Variants in IMMT observed in about 807,000 individuals in gnomAD.
IMMT encodes MICOS complex subunit MIC60.
A neutral mutation model predicts 92.7 loss-of-function variants in IMMT; 40 were observed. The ratio of observed to expected loss-of-function variants is 0.43; its 90% CI spans 0.34 to 0.56. The LOEUF (loss-of-function observed/expected upper bound fraction) is 0.56, where lower values mean the gene tolerates loss of function less well. Among genes scored for constraint, IMMT ranks in the 20% least tolerant of loss-of-function variants. The probability of loss-of-function intolerance (pLI) is 0.03; values close to 1 mark genes in which losing one functional copy is unlikely to be tolerated. For synonymous variants in IMMT, 322 were observed against 336.1 expected (o/e 0.96, Z 0.46); for missense variants, 831 against 912.1 (o/e 0.91, Z 1.14).
chr2:86,178,320 A>AAAC (rs1302967869), intron 3 of IMMT, among the ~76,000 whole-genome samples: 1 of 146,716 alleles, frequency 6.8e-6, no homozygotes, highest in Non-Finnish European at 1.5e-5. Flanking sequence ...TCCATCTCAA[A>AAAC]AAAAAAAAAA....
Position 86,178,231 on chromosome 2 carries a change from T to C in IMMT, c.309+1202A>G, listed in dbSNP as rs1258381988. 2.0e-5 allele frequency among the ~76,000 whole-genome samples: 3 copies of C among 146,708 alleles called. 1 individual carries two copies. In the Admixed American group the frequency reaches 2.1e-4, roughly 10 times the overall value. ...TACTCAGGAGGCTGAGGCAGGAGAATGGCGTGAACCCGGGAGGCGGAACTT... is the reference window on the plus strand; with the variant it reads ...TACTCAGGAGGCTGAGGCAGGAGAACGGCGTGAACCCGGGAGGCGGAACTT... On this transcript the variant is annotated intron_variant, in intron 3 of 14. Coordinates refer to ENST00000410111, the MANE Select transcript of IMMT (RefSeq NM_006839.3).
Position 86,161,957 on chromosome 2 carries a change from A to G in IMMT, c.896+19T>C, listed in dbSNP as rs757285037. ...CACCAGGAGGCCCTAATTACTTGTT[A>G]AAGTCCATGAGTAATTACTTGGCTT... On this transcript the variant is annotated intron_variant, in intron 8 of 14. Coordinates refer to ENST00000410111, the MANE Select transcript of IMMT (RefSeq NM_006839.3). The G allele has an allele frequency of 5.2e-6, 8 of 1,531,400 alleles. No individual in the cohort carries two copies. In the African/African-American group the frequency reaches 9.6e-5, roughly 18 times the overall value. The allele number at this position is 1,531,400 out of a possible 1,614,324, so 94.9% of individuals were successfully genotyped here.
rs745893774 is a variant in IMMT at position 86,143,965 on chromosome 2, T to A, written c.*303A>T. The stretch of plus-strand genomic sequence containing the variant: ...CATCTTGTTGCTTTATTCAGTTTGC[T>A]CCGAGGGCAAAATCAACAGTAGTAG... On this transcript the variant is annotated 3_prime_UTR_variant, in exon 15 of 15. Coordinates refer to ENST00000410111, the MANE Select transcript of IMMT (RefSeq NM_006839.3). 59 of 436,954 alleles carry A rather than the reference T, an allele frequency of 1.4e-4. No homozygotes were observed. Among genetic ancestry groups the A allele is most frequent in the Non-Finnish European group, 2.3e-4 (56 of 239,478 alleles). The allele number at this position is 436,954 out of a possible 1,614,324, so 27.1% of individuals were successfully genotyped here. A position where few individuals can be genotyped will look rare whatever the true frequency, so the allele number is the denominator to read the frequency against.
Position 86,166,620 on chromosome 2 carries a change from G to T in IMMT, c.680C>A (p.Ala227Asp), listed in dbSNP as rs375746081. ...IESLAKSLED[A>D]LRQTASVTLQ... ...AGTGACACTTGCAGTTTGCCTCAGA[G>T]CATCTTCTAAGCTCTTGGCTAGAGC... Residue 227 changes from alanine (A) to aspartate (D), a missense_variant, in exon 7 of 15, where the codon GCT becomes GAT. Coordinates refer to ENST00000410111, the MANE Select transcript of IMMT (RefSeq NM_006839.3). 2 of 1,612,342 alleles carry T rather than the reference G, an allele frequency of 1.2e-6. No individual in the cohort carries two copies. The highest frequency in any genetic ancestry group is 1.7e-5 in the Admixed American group (1 of 59,832).
chr2:86,146,935 A>G (rs565796984), intron 13 of IMMT, among the ~76,000 whole-genome samples: 1 of 151,904 alleles, frequency 6.6e-6, no homozygotes, highest in East Asian at 2.0e-4. Flanking sequence ...TAATTTTTGT[A>G]TTTTTAATAG....
At chr2:86,170,982 A>T in intron 5 of IMMT, 138 bp from the exon 6 acceptor site, 1 of 712,188 alleles carries the variant, frequency 1.4e-6, no homozygotes, top group Non-Finnish European at 2.3e-6. Context: ...TTCTAAAACC[A>T]TATCATTACT....
chr2:86,149,835 G>A (rs1675328294), intron 12 of IMMT, among the ~76,000 whole-genome samples: 2 of 146,522 alleles, frequency 1.4e-5, no homozygotes, highest in South Asian at 4.2e-4. Context: ...AGCCAAGATT[G>A]CACTACTGCA....
Position 86,145,494 on chromosome 2 carries a change from C to CAA in IMMT, c.1663+572_1663+573dup, listed in dbSNP as rs10554362. Among the ~76,000 whole-genome samples, 203 of 75,984 alleles carry CAA rather than the reference C, an allele frequency of 2.7e-3. 2 individuals are homozygous for CAA. Among genetic ancestry groups the CAA allele is most frequent in the Middle Eastern group, 7.4e-3 (1 of 136 alleles). 49.8% of individuals were successfully genotyped at this position (75,984 alleles called of 152,430 possible). A position where few individuals can be genotyped will look rare whatever the true frequency, so the allele number is the denominator to read the frequency against. ...TGGGCGACAGAGCAAGACTCTGTCTCAAAAAAAAAAAAAAAAAAAAAAAAG... is the reference window on the plus strand; with the variant it reads ...TGGGCGACAGAGCAAGACTCTGTCTCAAAAAAAAAAAAAAAAAAAAAAAAAAG... On this transcript the variant is annotated intron_variant, in intron 14 of 14. Coordinates refer to ENST00000410111, the MANE Select transcript of IMMT (RefSeq NM_006839.3).
chr2:86,174,496 T>C (rs1163096553), intron 3 of IMMT, among the ~76,000 whole-genome samples: 1 of 152,190 alleles, frequency 6.6e-6, no homozygotes, highest in East Asian at 1.9e-4. Flanking sequence ...AAAATATTAT[T>C]TTTGAATGAT....
intron 9 of IMMT, 165 bp downstream of exon 9, chr2:86,159,371 C>T: frequency 1.4e-6 from 1 of 703,190 alleles, no homozygotes; most frequent in Non-Finnish European, 2.5e-6. Flanking sequence ...AGGTGTGAAC[C>T]ACCACACCCA....
At position 86,167,469 on chromosome 2, in the gene IMMT, GGTTTTTT is replaced by G. The variant is rs1218000880; in HGVS notation, c.656-832_656-826del. On this transcript the variant is annotated intron_variant, in intron 6 of 14. Transcript: ENST00000410111. ...ATTACAGGCGTGAGCCACCGTGCCC[GGTTTTTT>G]GTTTTTTGTTTTTTTTTTTTTTTTT... 3.1e-3 allele frequency among the ~76,000 whole-genome samples: 297 copies of G among 96,280 alleles called. 1 individual carries two copies. The highest frequency in any genetic ancestry group is 8.3e-3 in the African/African-American group (222 of 26,702). 63.2% of individuals were successfully genotyped at this position (96,280 alleles called of 152,430 possible).
chr2:86,152,691 G>T (rs1370914136), intron 11 of IMMT, among the ~76,000 whole-genome samples: 1 of 151,962 alleles, frequency 6.6e-6, no homozygotes, highest in Non-Finnish European at 1.5e-5. Flanking sequence ...AACCCAGGAG[G>T]CGAAGATTGC....
intron 3 of IMMT, 133 bp downstream of exon 3, chr2:86,179,300 G>A: frequency 1.5e-6 from 1 of 671,858 alleles, no homozygotes; most frequent in Non-Finnish European, 2.4e-6. Flanking sequence ...GCATCCATGG[G>A]ATTTTTGTAT....
chr2:86,184,498 AATAATT>A (rs1020405349), intron 1 of IMMT, among the ~76,000 whole-genome samples: 4 of 152,070 alleles, frequency 2.6e-5, no homozygotes, highest in Admixed American at 2.6e-4. Flanking sequence ...TTGTTAATAT[AATAATT>A]ATAATTACAC....
intron 3 of IMMT, among the ~76,000 whole-genome samples, chr2:86,175,832 A>T (rs1677395287): frequency 6.6e-6 from 1 of 152,218 alleles, no homozygotes; most frequent in African/African-American, 2.4e-5. Flanking sequence ...AACATTAATA[A>T]GCGAAGGAAA....
Position 86,143,991 on chromosome 2 carries a change from A to G in IMMT, c.*277T>C. The G allele has an allele frequency of 2.0e-6, 1 of 510,888 alleles. No individual in the cohort carries two copies. The highest frequency in any genetic ancestry group is 3.6e-5 in the East Asian group (1 of 27,542). 31.6% of individuals were successfully genotyped at this position (510,888 alleles called of 1,614,324 possible). A position where few individuals can be genotyped will look rare whatever the true frequency, so the allele number is the denominator to read the frequency against. On this transcript the variant is annotated 3_prime_UTR_variant, in exon 15 of 15. Transcript: ENST00000410111. ...CCGAGGGCAAAATCAACAGTAGTAG[A>G]GATCACAAACATTATTTTGATTGGC... is the stretch of plus-strand genomic sequence containing the variant.
chr2:86,191,064 G>C (rs1363581006), intron 1 of IMMT, among the ~76,000 whole-genome samples: 1 of 152,060 alleles, frequency 6.6e-6, no homozygotes, highest in East Asian at 1.9e-4. Context: ...GTGAACTAGT[G>C]GCCAGGCATG....
At chr2:86,193,757 T>C (rs1187972920) in intron 1 of IMMT, among the ~76,000 whole-genome samples, 3 of 152,142 alleles carry the variant, frequency 2.0e-5, no homozygotes, top group Non-Finnish European at 2.9e-5. Flanking sequence ...AACCAAAGAA[T>C]TTTACAAGAC....
intron 13 of IMMT, among the ~76,000 whole-genome samples, chr2:86,146,592 T>C (rs1262122553): frequency 1.3e-5 from 2 of 152,104 alleles, no homozygotes; most frequent in African/African-American, 2.4e-5. Flanking sequence ...CTCGATCTCT[T>C]AACCTCGTGA....
Sources: allele counts gnomAD v4.1 joint callset (sites outside exome capture counted in the v4.1 genomes callset), GRCh38; gene constraint gnomAD v4.1.1; transcripts MANE v1.5; gene names NCBI Gene and HGNC (gene_info 2026-07-23, HGNC 2026-07-21).